Variants in RGS5 observed in about 807,000 individuals in gnomAD.
RGS5 encodes the protein regulator of G protein signaling 5, also known as regulator of G-protein signalling 5.
A neutral mutation model predicts 18.9 loss-of-function variants in RGS5; 20 were observed. The observed-to-expected ratio is 1.06, with a 90% CI of 0.74 to 1.54. RGS5 has a LOEUF of 1.54. RGS5 is among the 40% of genes most tolerant of loss of function. The pLI is 0.00. For synonymous variants in RGS5, 57 were observed against 76.2 expected, an observed-to-expected ratio of 0.75 and a Z score of 1.31; for missense variants, 201 against 211.8, an observed-to-expected ratio of 0.95 and a Z score of 0.32.
chr1:163,313,997 ATATG>A (rs1259707172), intron 1 of RGS5, among the ~76,000 whole-genome samples: 2,313 of 149,454 alleles, frequency 0.015, 25 homozygotes, highest in African/African-American at 0.02. Flanking sequence ...AATAAGATAT[ATATG>A]TGTGTGTGTG....
At chr1:163,210,162 T>G (rs556565948) in intron 1 of RGS5, among the ~76,000 whole-genome samples, 1 of 151,898 alleles carries the variant, frequency 6.6e-6, no homozygotes, top group African/African-American at 2.4e-5. Flanking sequence ...ACTAATTTTT[T>G]TTTTCGTATT....
At chr1:163,169,432 C>T (rs940975264) in intron 1 of RGS5, among the ~76,000 whole-genome samples, 1 of 152,070 alleles carries the variant, frequency 6.6e-6, no homozygotes, top group African/African-American at 2.4e-5. Flanking sequence ...CCTGAGGAAT[C>T]GCCACACTGA....
chr1:163,314,116 A>G (rs1041572839), intron 1 of RGS5, among the ~76,000 whole-genome samples: 4 of 152,156 alleles, frequency 2.6e-5, no homozygotes, highest in Non-Finnish European at 4.4e-5. Flanking sequence ...AACACCTGGC[A>G]TCTGGTACAT....
In RGS5 at chr1:163,149,048, G is replaced by T. The variant is rs568297095; in HGVS notation, c.385-1545C>A. 2.0e-5 allele frequency among the ~76,000 whole-genome samples: 3 copies of T among 152,332 alleles called. No individual in the cohort carries two copies. The South Asian group carries it at 6.2e-4, about 32-fold the overall frequency. Reference sequence around the variant, plus strand: ...GGAGCCAGGTCAGAACAGACAGCAGGACTGAGCTGTGCTTCAAAGTCTAGG... The same window carrying T: ...GGAGCCAGGTCAGAACAGACAGCAGTACTGAGCTGTGCTTCAAAGTCTAGG... On this transcript the variant is annotated intron_variant, in intron 4 of 4. Coordinates refer to ENST00000313961, the MANE Select transcript of RGS5 (RefSeq NM_003617.4).
chr1:163,316,201 T>C (rs754499731), intron 1 of RGS5, among the ~76,000 whole-genome samples: 11 of 152,226 alleles, frequency 7.2e-5, no homozygotes, highest in Non-Finnish European at 1.0e-4. Flanking sequence ...GTTTTGCATA[T>C]TAAATGCTAC....
chr1:163,288,873 C>T lies in RGS5; in HGVS notation c.-281+17360G>A, dbSNP rs188319065. ...ATTTTGCTCCAATACTTAGGCAACA[C>T]CATCTGTACTCAATTAGAAACCTAA... On this transcript the variant is annotated intron_variant, in intron 2 of 5. Transcript: ENST00000618415. 5.0e-4 allele frequency among the ~76,000 whole-genome samples: 76 copies of T among 152,262 alleles called. No individual in the cohort carries two copies. In the East Asian group the frequency reaches 0.014, roughly 27 times the overall value.
At position 163,285,133 on chromosome 1, in the gene RGS5, C is replaced by G. The variant is rs544164451; in HGVS notation, c.-281+21100G>C. Among the ~76,000 whole-genome samples the G allele has an allele frequency of 2.0e-5, 3 of 152,258 alleles. No individual in the cohort carries two copies. In the South Asian group the frequency reaches 6.2e-4, roughly 32 times the overall value. Reference sequence around the variant, plus strand: ...ATCATCTCCCACTGAGTCCCTCCCACAACACATGGGAATTATGAGAATTAC... The same window carrying G: ...ATCATCTCCCACTGAGTCCCTCCCAGAACACATGGGAATTATGAGAATTAC... On this transcript the variant is annotated intron_variant, in intron 2 of 5. Coordinates refer to the RGS5 transcript ENST00000618415.
At chr1:163,176,384 G>A (rs1243218838) in intron 1 of RGS5, among the ~76,000 whole-genome samples, 1 of 152,242 alleles carries the variant, frequency 6.6e-6, no homozygotes, top group Non-Finnish European at 1.5e-5. Flanking sequence ...CACTTTGGGA[G>A]GGCAAGGCGG....
chr1:163,290,052 C>T (rs1216471165), intron 2 of RGS5, among the ~76,000 whole-genome samples: 2 of 152,144 alleles, frequency 1.3e-5, no homozygotes, highest in East Asian at 3.9e-4. Context: ...CATGAGACCC[C>T]TATCTTTATA....
At chr1:163,255,351 G>GA (rs1252498452) in intron 2 of RGS5, among the ~76,000 whole-genome samples, 1 of 151,980 alleles carries the variant, frequency 6.6e-6, no homozygotes, top group Non-Finnish European at 1.5e-5. Flanking sequence ...TTCTCCTTGA[G>GA]AAAATCTAGA....
chr1:163,316,923 A>G (rs922432003), intron 1 of RGS5, among the ~76,000 whole-genome samples: 9 of 152,330 alleles, frequency 5.9e-5, no homozygotes, highest in African/African-American at 1.9e-4. Flanking sequence ...AGTTTGTACC[A>G]GGCATGGTGT....
chr1:163,250,490 T>C lies in RGS5; in HGVS notation c.-281+55743A>G, dbSNP rs151217147. On this transcript the variant is annotated intron_variant, in intron 2 of 5. Transcript: ENST00000618415. ...TACAGCTTTGAGATTAAATGATTTG[T>C]CTGCAAACAGAACCCACATTCCCTA... 2.3e-3 allele frequency among the ~76,000 whole-genome samples: 347 copies of C among 152,288 alleles called. 2 individuals carry two copies. Among genetic ancestry groups the C allele is most frequent in the Middle Eastern group, 0.014 (4 of 294 alleles).
At chr1:163,188,302 C>T (rs1659180011) in intron 1 of RGS5, among the ~76,000 whole-genome samples, 1 of 152,132 alleles carries the variant, frequency 6.6e-6, no homozygotes, top group Non-Finnish European at 1.5e-5. Context: ...CTGGGTTAGA[C>T]CTCAGTGTTG....
At chr1:163,255,301 G>A (rs369977786) in intron 2 of RGS5, among the ~76,000 whole-genome samples, 1 of 152,124 alleles carries the variant, frequency 6.6e-6, no homozygotes, top group African/African-American at 2.4e-5. Context: ...TCTTCCATTT[G>A]TTTGTATCCT....
At chr1:163,216,378 T>C (rs937822060) in intron 1 of RGS5, among the ~76,000 whole-genome samples, 1 of 152,074 alleles carries the variant, frequency 6.6e-6, no homozygotes, top group East Asian at 1.9e-4. Context: ...ATTTTAACCA[T>C]ATGAAAAGTG....
Position 163,146,649 on chromosome 1 carries a change from G to A in RGS5, c.*693C>T, listed in dbSNP as rs1452796063. ...ATTTAAAACAGAATTTGGTGACTAT[G>A]GGCAGGTGGAGGGGGCCAGTGAGGA... is the stretch of plus-strand genomic sequence containing the variant. On this transcript the variant is annotated 3_prime_UTR_variant, in exon 5 of 5. Transcript: ENST00000313961. The A allele has an allele frequency of 6.6e-6, 1 of 152,088 alleles. No homozygotes were observed. Among genetic ancestry groups the A allele is most frequent in the Non-Finnish European group, 1.5e-5 (1 of 68,008 alleles). The allele number at this position is 152,088 out of a possible 1,614,324, so 9.4% of individuals were successfully genotyped here. A position where few individuals can be genotyped will look rare whatever the true frequency, so the allele number is the denominator to read the frequency against.
At chr1:163,228,727 TC>T (rs1647396267) in intron 2 of RGS5, among the ~76,000 whole-genome samples, 2 of 152,148 alleles carry the variant, frequency 1.3e-5, no homozygotes, top group African/African-American at 4.8e-5. Flanking sequence ...ATCCTCTACT[TC>T]CCCTTCAATG....
At position 163,201,734 on chromosome 1, in the gene RGS5, C is replaced by A. The variant is rs538595348; in HGVS notation, c.44+1058G>T. Among the ~76,000 whole-genome samples, 19 of 152,182 alleles carry A rather than the reference C, an allele frequency of 1.2e-4. No individual in the cohort carries two copies. In the South Asian group the frequency reaches 3.9e-3, roughly 32 times the overall value. The stretch of plus-strand genomic sequence containing the variant: ...AGGTTATTTCTAGAGTGGAAGGCAT[C>A]AAAAAGAAGACCTGAACTTGTAAGA... On this transcript the variant is annotated intron_variant, in intron 1 of 4. Transcript: ENST00000313961.
intron 1 of RGS5, chr1:163,172,591 C>A: frequency 6.5e-7 from 1 of 1,549,704 alleles, no homozygotes; most frequent in Non-Finnish European, 8.7e-7. Context: ...CTCATATTTG[C>A]CCTGGAAATG....
Sources: gnomAD v4.1 joint callset for allele counts (sites outside exome capture counted in the v4.1 genomes callset) on GRCh38, gnomAD v4.1.1 for gene constraint, MANE v1.5 for transcripts, NCBI Gene and HGNC (gene_info 2026-07-23, HGNC 2026-07-21) for gene names.